STPG2: variants seen among roughly 807,000 people sequenced by gnomAD.
STPG2 encodes sperm tail PG-rich repeat containing 2, also known as sperm-tail PG-rich repeat-containing protein 2.
STPG2 carries 56 observed loss-of-function variants against 54.2 expected under a neutral mutation model. The observed-to-expected ratio is 1.03, with a 90% CI of 0.83 to 1.29. The LOEUF is 1.29. STPG2 is among the 50% of genes most tolerant of loss of function. The probability of loss-of-function intolerance (pLI) is 0.00; values close to 1 mark genes in which losing one functional copy is unlikely to be tolerated. For synonymous variants in STPG2, 200 were observed against 181.8 expected (o/e 1.10, Z -0.81); for missense variants, 596 against 544.9 (o/e 1.09, Z -0.93).
chr4:97,874,602 C>T (rs796964877), intron 8 of STPG2, among the ~76,000 whole-genome samples: 3 of 151,840 alleles, frequency 2.0e-5, no homozygotes, highest in African/African-American at 7.2e-5. Context: ...TTTATAAAAA[C>T]AGATTCAAAT....
intron 9 of STPG2, among the ~76,000 whole-genome samples, chr4:97,724,675 T>G (rs1724562107): frequency 6.6e-6 from 1 of 152,158 alleles, no homozygotes; most frequent in Admixed American, 6.5e-5. Flanking sequence ...ATATCTTTTC[T>G]TCCAATACTT....
At chr4:97,862,066 A>C (rs925808017) in intron 8 of STPG2, among the ~76,000 whole-genome samples, 1 of 152,154 alleles carries the variant, frequency 6.6e-6, no homozygotes, top group Non-Finnish European at 1.5e-5. Flanking sequence ...AAATTCACAC[A>C]TAACAATATT....
chr4:97,867,081 G>C (rs574491507), intron 8 of STPG2, among the ~76,000 whole-genome samples: 1 of 152,070 alleles, frequency 6.6e-6, no homozygotes, highest in Admixed American at 6.6e-5. Context: ...GTGCATTCCT[G>C]AAAGTGCAGC....
intron 5 of STPG2, among the ~76,000 whole-genome samples, chr4:98,050,724 A>G (rs4334758): frequency 0.39 from 60,001 of 152,136 alleles, 12,063 homozygotes; most frequent in Middle Eastern, 0.46. Context: ...ACGAAAAGGA[A>G]GCCGGGCGCG....
At chr4:97,583,490 C>A (rs537192070) in intron 10 of STPG2, among the ~76,000 whole-genome samples, 1 of 151,922 alleles carries the variant, frequency 6.6e-6, no homozygotes, top group Non-Finnish European at 1.5e-5. Context: ...AGAGTTCCTG[C>A]TATTTTCACA....
Position 98,025,737 on chromosome 4 carries a change from TC to T in STPG2, c.613-44420del. On this transcript the variant is annotated intron_variant, in intron 5 of 10. Transcript: ENST00000295268. ...CTCAATAGGTTTGGCATGGACAAGA[TC>T]TATGAAGGCCAAGTGGAGGTGACTG... 4 of 1,543,638 alleles carry T rather than the reference TC, an allele frequency of 2.6e-6. No homozygotes were observed. In the South Asian group the frequency reaches 4.5e-5, roughly 17 times the overall value.
intron 4 of STPG2, among the ~76,000 whole-genome samples, chr4:97,519,797 G>A (rs1308916547): frequency 1.3e-5 from 2 of 152,000 alleles, no homozygotes; most frequent in Admixed American, 6.6e-5. Context: ...AAGGGGAGAA[G>A]AGGAGAGAAG....
intron 8 of STPG2, among the ~76,000 whole-genome samples, chr4:97,906,372 C>G (rs1439408334): frequency 6.6e-6 from 1 of 152,080 alleles, no homozygotes; most frequent in Non-Finnish European, 1.5e-5. Context: ...TGGCAATAGT[C>G]AATAGCTTAC....
intron 9 of STPG2, among the ~76,000 whole-genome samples, chr4:97,757,539 T>A (rs1314241754): frequency 6.6e-6 from 1 of 152,144 alleles, no homozygotes; most frequent in Non-Finnish European, 1.5e-5. Flanking sequence ...CATTCCAGAA[T>A]TGAATGAATT....
intron 8 of STPG2, among the ~76,000 whole-genome samples, chr4:97,884,904 CA>C (rs1386901033): frequency 6.6e-6 from 1 of 150,752 alleles, no homozygotes; most frequent in Admixed American, 6.6e-5. Flanking sequence ...TCATAATGAC[CA>C]AAAAAAACCA....
intron 10 of STPG2, among the ~76,000 whole-genome samples, chr4:97,654,541 C>G (rs939783535): frequency 1.3e-5 from 2 of 152,094 alleles, no homozygotes; most frequent in African/African-American, 4.8e-5. Flanking sequence ...CCCTTCCATG[C>G]ATCCTTTTCT....
chr4:97,906,421 G>T (rs192767286), intron 8 of STPG2, among the ~76,000 whole-genome samples: 1 of 152,046 alleles, frequency 6.6e-6, no homozygotes, highest in Non-Finnish European at 1.5e-5. Flanking sequence ...ATTCACAGCC[G>T]AATTCTACCA....
At chr4:97,732,212 C>A (rs1183933626) in intron 9 of STPG2, among the ~76,000 whole-genome samples, 1 of 152,204 alleles carries the variant, frequency 6.6e-6, no homozygotes, top group African/African-American at 2.4e-5. Context: ...GGGCTTGGCA[C>A]AGGCTGGAGC....
At chr4:97,444,329 GA>G (rs1729164100) in intron 4 of STPG2, among the ~76,000 whole-genome samples, 1 of 152,274 alleles carries the variant, frequency 6.6e-6, no homozygotes, top group Admixed American at 6.5e-5. Context: ...AATTGGGGCA[GA>G]AGGTAGGAAA....
intron 9 of STPG2, among the ~76,000 whole-genome samples, chr4:97,806,612 C>T (rs2149094007): frequency 6.6e-6 from 1 of 152,134 alleles, no homozygotes; most frequent in East Asian, 1.9e-4. Context: ...AATTATGCCT[C>T]CTTTCACAGG....
chr4:97,907,839 C>G (rs1047876616), intron 8 of STPG2, among the ~76,000 whole-genome samples: 1 of 152,044 alleles, frequency 6.6e-6, no homozygotes, highest in South Asian at 2.1e-4. Context: ...AACTGGATCC[C>G]TTCCTTACAC....
chr4:98,061,581 T>C (rs920115394), intron 5 of STPG2, among the ~76,000 whole-genome samples: 4 of 149,768 alleles, frequency 2.7e-5, no homozygotes, highest in Non-Finnish European at 5.9e-5. Flanking sequence ...AGCCAAACCA[T>C]ATCATAACTT....
chr4:97,762,417 G>A (rs911712607), intron 9 of STPG2, among the ~76,000 whole-genome samples: 1 of 152,140 alleles, frequency 6.6e-6, no homozygotes, highest in African/African-American at 2.4e-5. Context: ...GATAACAGAA[G>A]GGACAGGAGA....
chr4:97,610,033 T>C (rs1164069910), intron 10 of STPG2, among the ~76,000 whole-genome samples: 2 of 152,124 alleles, frequency 1.3e-5, no homozygotes, highest in African/African-American at 2.4e-5. Flanking sequence ...AAATCTTCCA[T>C]TGAAAAAAGA....
Sources: allele counts gnomAD v4.1 joint callset (sites outside exome capture counted in the v4.1 genomes callset), GRCh38; gene constraint gnomAD v4.1.1; transcripts MANE v1.5; gene names NCBI Gene and HGNC (gene_info 2026-07-23, HGNC 2026-07-21).